ADAMTSL1: variants seen among roughly 807,000 people sequenced by gnomAD.
The protein encoded by ADAMTSL1 is ADAMTS-like protein 1.
In ADAMTSL1, 126 loss-of-function variants were observed where a neutral mutation model predicts 201.8. That is an observed-to-expected ratio of 0.62 (90% CI 0.54 to 0.72). The LOEUF (loss-of-function observed/expected upper bound fraction) is 0.72. Among genes scored for constraint, ADAMTSL1 ranks in the 30% least tolerant of loss-of-function variants. The pLI, the probability that ADAMTSL1 is intolerant of heterozygous loss-of-function variation, is 0.00. For missense variants in ADAMTSL1, 2,679 were observed against 2,277.8 expected, an observed-to-expected ratio of 1.18 and a Z score of -3.59; for synonymous variants, 1,121 against 903.4, an observed-to-expected ratio of 1.24 and a Z score of -4.32.
intron 1 of ADAMTSL1, among the ~76,000 whole-genome samples, chr9:17,981,546 T>A (rs1382027647): frequency 6.6e-6 from 1 of 152,320 alleles, no homozygotes; most frequent in South Asian, 2.1e-4. Flanking sequence ...CCTTGAAAAT[T>A]GTTCGAGTGA....
chr9:18,564,362 T>A (rs555080453), intron 3 of ADAMTSL1, among the ~76,000 whole-genome samples: 1 of 152,218 alleles, frequency 6.6e-6, no homozygotes, highest in South Asian at 2.1e-4. Flanking sequence ...CCAGTCCCAG[T>A]GAGATGACCG....
chr9:18,204,319 G>T (rs1436434420), intron 2 of ADAMTSL1, among the ~76,000 whole-genome samples: 3 of 151,850 alleles, frequency 2.0e-5, no homozygotes, highest in East Asian at 1.9e-4. Context: ...TGGTTATATA[G>T]GTGGCTCTTT....
At position 17,951,575 on chromosome 9, in the gene ADAMTSL1, C is replaced by A. The variant is rs140020409; in HGVS notation, c.87+44653C>A. 1.3e-3 allele frequency among the ~76,000 whole-genome samples: 194 copies of A among 151,014 alleles called. 3 individuals are homozygous for A. The highest frequency in any genetic ancestry group is 4.5e-3 in the African/African-American group (185 of 41,236). On this transcript the variant is annotated intron_variant, in intron 1 of 29. Coordinates refer to the ADAMTSL1 transcript ENST00000680146. ...AGGCTGAATCCCTTTCTCTAGGTTTCTTGCATATTCTGTTTTCTTTTTCTT... is the reference window on the plus strand; with the variant it reads ...AGGCTGAATCCCTTTCTCTAGGTTTATTGCATATTCTGTTTTCTTTTTCTT...
At chr9:18,356,600 A>G (rs1413092854) in intron 2 of ADAMTSL1, among the ~76,000 whole-genome samples, 3 of 96,114 alleles carry the variant, frequency 3.1e-5, no homozygotes, top group Non-Finnish European at 4.6e-5. Context: ...TCAATACACA[A>G]TAAAACACAC....
intron 3 of ADAMTSL1, among the ~76,000 whole-genome samples, chr9:18,556,546 A>G (rs1364569185): frequency 6.6e-6 from 1 of 152,000 alleles, no homozygotes; most frequent in Non-Finnish European, 1.5e-5. Flanking sequence ...AATACTATTC[A>G]GGATGAGGCT....
In ADAMTSL1 at chr9:18,906,803, T is replaced by G. The variant is rs565116660; in HGVS notation, c.5073T>G (p.Arg1691=). The G allele has an allele frequency of 3.7e-6, 6 of 1,613,850 alleles. No homozygotes were observed. The highest frequency in any genetic ancestry group is 5.1e-6 in the Non-Finnish European group (6 of 1,179,894). ...GCAACTACGGCTTCCAGTCCCGGCGTGTGGAGTGTGTGCATGCCCGCACCA... is the reference window on the plus strand; with the variant it reads ...GCAACTACGGCTTCCAGTCCCGGCGGGTGGAGTGTGTGCATGCCCGCACCA... ...TCGNYGFQSR[R]VECVHARTNK... Residue 1691 remains arginine (R), a synonymous_variant, in exon 28 of 29, where the codon CGT becomes CGG. Transcript: ENST00000380548.
At chr9:18,436,096 A>G (rs1336458807) in intron 2 of ADAMTSL1, among the ~76,000 whole-genome samples, 1 of 152,220 alleles carries the variant, frequency 6.6e-6, no homozygotes, top group East Asian at 1.9e-4. Flanking sequence ...TTTAACAGTA[A>G]TAGAATTGGG....
intron 2 of ADAMTSL1, among the ~76,000 whole-genome samples, chr9:18,359,301 A>G (rs73643250): frequency 0.049 from 7,460 of 152,046 alleles, 535 homozygotes; most frequent in African/African-American, 0.16. Context: ...TTCTGCCCCC[A>G]TCTTTTCCAT....
intron 2 of ADAMTSL1, among the ~76,000 whole-genome samples, chr9:18,344,929 G>C (rs1835633912): frequency 6.6e-6 from 1 of 152,154 alleles, no homozygotes. Flanking sequence ...TTTAAGCAGA[G>C]CTCCCCTCGG....
intron 2 of ADAMTSL1, among the ~76,000 whole-genome samples, chr9:18,314,262 T>C (rs1024637824): frequency 6.6e-6 from 1 of 152,186 alleles, no homozygotes; most frequent in East Asian, 1.9e-4. Flanking sequence ...TCAGCCAATA[T>C]GGAAAACAGT....
intron 13 of ADAMTSL1, among the ~76,000 whole-genome samples, chr9:18,689,213 T>A (rs916977078): frequency 2.0e-5 from 3 of 152,160 alleles, no homozygotes; most frequent in South Asian, 2.1e-4. Flanking sequence ...TCTCTTATTT[T>A]TATACCGTAG....
At chr9:18,325,486 CA>C (rs771866414) in intron 2 of ADAMTSL1, among the ~76,000 whole-genome samples, 16 of 152,172 alleles carry the variant, frequency 1.1e-4, no homozygotes, top group Non-Finnish European at 2.2e-4. Flanking sequence ...AAGTCAGACA[CA>C]AAATAAGATA....
At chr9:18,131,895 C>G (rs901826184) in intron 1 of ADAMTSL1, among the ~76,000 whole-genome samples, 1 of 151,022 alleles carries the variant, frequency 6.6e-6, no homozygotes, top group African/African-American at 2.4e-5. Flanking sequence ...GTGAGATGAA[C>G]TGATCATAGT....
intron 19 of ADAMTSL1, among the ~76,000 whole-genome samples, chr9:18,789,955 C>T (rs1324992275): frequency 2.0e-5 from 3 of 152,134 alleles, no homozygotes; most frequent in Non-Finnish European, 2.9e-5. Context: ...TTTAGGAAAG[C>T]GTACCAGTCA....
chr9:18,133,481 A>T (rs1325535826), intron 1 of ADAMTSL1, among the ~76,000 whole-genome samples: 2 of 152,224 alleles, frequency 1.3e-5, no homozygotes, highest in African/African-American at 4.8e-5. Context: ...CTTTAAAAAA[A>T]TCTGACAACT....
intron 1 of ADAMTSL1, among the ~76,000 whole-genome samples, chr9:18,094,256 A>G (rs1003579353): frequency 6.6e-6 from 1 of 152,218 alleles, no homozygotes; most frequent in Non-Finnish European, 1.5e-5. Flanking sequence ...CCCAGGGAGA[A>G]GAAACCTTTC....
intron 2 of ADAMTSL1, among the ~76,000 whole-genome samples, chr9:18,260,459 C>T (rs889831188): frequency 6.6e-6 from 1 of 152,254 alleles, no homozygotes; most frequent in African/African-American, 2.4e-5. Context: ...AGGGAGAAGG[C>T]TCTCTCCAAT....
intron 8 of ADAMTSL1, 44 bp downstream of exon 8, chr9:18,657,794 G>A: frequency 2.7e-6 from 4 of 1,486,128 alleles, no homozygotes; most frequent in South Asian, 1.1e-5. Flanking sequence ...CTTCTGTGAG[G>A]AAATACTTGG....
intron 2 of ADAMTSL1, among the ~76,000 whole-genome samples, chr9:18,525,170 G>T (rs1818957280): frequency 6.6e-6 from 1 of 152,140 alleles, no homozygotes; most frequent in East Asian, 1.9e-4. Flanking sequence ...TTAGTCTTGG[G>T]AGGGTGTATG....
Sources: gnomAD v4.1 joint callset for allele counts (sites outside exome capture counted in the v4.1 genomes callset) on GRCh38, gnomAD v4.1.1 for gene constraint, MANE v1.5 for transcripts, NCBI Gene and HGNC (gene_info 2026-07-23, HGNC 2026-07-21) for gene names.